CNTN6: variants seen among roughly 807,000 people sequenced by gnomAD.
CNTN6 encodes the protein contactin 6, also known as contactin-6.
In CNTN6, 137 loss-of-function variants were observed where a neutral mutation model predicts 122.8. The observed-to-expected ratio is 1.12, with a 90% CI of 0.97 to 1.29. CNTN6 has a LOEUF of 1.29. Ranked by LOEUF, CNTN6 falls within the 50% of genes most tolerant of loss-of-function variation. The pLI is 0.00. For synonymous variants in CNTN6, 570 were observed against 426.0 expected (o/e 1.34, Z -4.16); for missense variants, 1,634 against 1,223.4 (o/e 1.34, Z -5.01).
intron 17 of CNTN6, among the ~76,000 whole-genome samples, chr3:1,381,347 G>A (rs1393326219): frequency 2.0e-5 from 3 of 152,140 alleles, no homozygotes; most frequent in Non-Finnish European, 2.9e-5. Flanking sequence ...CCAGATGTCC[G>A]GAGCAGCACT....
chr3:1,226,993 G>T (rs1380961395), intron 3 of CNTN6, among the ~76,000 whole-genome samples: 4 of 152,146 alleles, frequency 2.6e-5, no homozygotes, highest in Admixed American at 2.6e-4. Context: ...GATTTTGATG[G>T]AGTTGGGAGT....
At chr3:1,233,253 A>AG (rs1008212574) in intron 4 of CNTN6, among the ~76,000 whole-genome samples, 9 of 152,304 alleles carry the variant, frequency 5.9e-5, no homozygotes, top group African/African-American at 1.9e-4. Flanking sequence ...GGTTACTATG[A>AG]GGACCAAATA....
At chr3:1,166,128 T>A (rs1032764490) in intron 2 of CNTN6, among the ~76,000 whole-genome samples, 1 of 152,240 alleles carries the variant, frequency 6.6e-6, no homozygotes. Flanking sequence ...GGCAGCTCAT[T>A]GGCATCAACT....
At chr3:1,384,713 C>CATATAT (rs1200196203) in intron 19 of CNTN6, among the ~76,000 whole-genome samples, 2,076 of 131,886 alleles carry the variant, frequency 0.016, 26 homozygotes, top group Middle Eastern at 0.028. Context: ...TATACATATA[C>CATATAT]ATACTATATA....
intron 2 of CNTN6, among the ~76,000 whole-genome samples, chr3:1,193,890 G>T (rs892479919): frequency 6.6e-5 from 10 of 152,082 alleles, no homozygotes; most frequent in African/African-American, 2.4e-4. Context: ...TTTAAGAATT[G>T]TATATACCAT....
chr3:1,309,291 A>C (rs894361226), intron 7 of CNTN6, among the ~76,000 whole-genome samples: 1 of 152,088 alleles, frequency 6.6e-6, no homozygotes, highest in Non-Finnish European at 1.5e-5. Flanking sequence ...TTGATGGTCC[A>C]TTTTGCATTA....
intron 20 of CNTN6, among the ~76,000 whole-genome samples, chr3:1,387,486 G>A (rs1693208373): frequency 2.0e-5 from 3 of 152,162 alleles, no homozygotes; most frequent in African/African-American, 7.2e-5. Context: ...CAATCAATCA[G>A]CAGTTTTCAG....
chr3:1,223,409 T>C (rs1222697015), intron 3 of CNTN6, among the ~76,000 whole-genome samples: 4 of 152,178 alleles, frequency 2.6e-5, no homozygotes, highest in African/African-American at 4.8e-5. Context: ...AAATAAGCAA[T>C]ATTAAAAGCA....
At position 1,382,963 on chromosome 3, in the gene CNTN6, A is replaced by G; in HGVS notation, c.2188A>G (p.Asn730Asp). 1 of 1,613,896 alleles carries G rather than the reference A, an allele frequency of 6.2e-7. No individual in the cohort carries two copies. Residue 730 changes from asparagine (N) to aspartate (D), a missense_variant, in exon 18 of 23, where the codon AAT (asparagine) becomes GAT (aspartate). Asn to Asp is a conservative substitution (Grantham distance 23, BLOSUM62 1). Coordinates refer to ENST00000446702, the MANE Select transcript of CNTN6 (RefSeq NM_001289080.2). The stretch of plus-strand genomic sequence containing the variant: ...CAAGTCAATTCCAGAAGAACTGCAG[A>G]ATGGGGAGGGATTTGGATATATCAT... ...TWESIPEELQ[N>D]GEGFGYIIMF...
At position 1,352,336 on chromosome 3, in the gene CNTN6, G is replaced by A; in HGVS notation, c.1377G>A (p.Leu459=). 3 of 1,525,634 alleles carry A rather than the reference G, an allele frequency of 2.0e-6. No individual in the cohort carries two copies. The highest frequency in any genetic ancestry group is 2.7e-6 in the Non-Finnish European group (3 of 1,128,358). 94.5% of individuals were successfully genotyped at this position (1,525,634 alleles called of 1,614,324 possible). A position where few individuals can be genotyped will look rare whatever the true frequency, so the allele number is the denominator to read the frequency against. Residue 459 remains leucine (L), a synonymous_variant, in exon 12 of 23, where the codon TTG becomes TTA. Transcript: ENST00000446702. ...TLRQSKRIFL[L]EDGSLKIYNI... ...ATTTTCTTTTTAGAATATTTCTCTT[G>A]GAGGATGGCAGCCTCAAGATATATA...
chr3:1,400,630 T>C lies in CNTN6; in HGVS notation c.2705-803T>C, dbSNP rs766456442. Among the ~76,000 whole-genome samples the C allele has an allele frequency of 1.8e-4, 28 of 152,266 alleles. No homozygotes were observed. The East Asian group carries it at 4.2e-3, about 23-fold the overall frequency. On this transcript the variant is annotated intron_variant, in intron 20 of 22. Transcript: ENST00000446702. ...TTTTAAACGGCATGCATCTTTCACA[T>C]TGTCCAGACACAGTTGATTAAGCTA...
rs1029012321 is a variant in CNTN6, at chr3:1,403,319, T to C, written c.2988T>C (p.Ser996=). 1.3e-6 allele frequency: 2 copies of C among 1,595,400 alleles called. No homozygotes were observed. Among genetic ancestry groups the C allele is most frequent in the Non-Finnish European group, 1.7e-6 (2 of 1,167,688 alleles). The part of the protein sequence containing the change: ...SEEIRIPKMS[S]LSSRGIQFLE... The stretch of plus-strand genomic sequence containing the variant: ...TTGTCTTATTTTTATATTTTGCAGG[T>C]TTGAGTTCCAGAGGAATTCAATTCT... Residue 996 remains serine (S), a splice_region_variant and synonymous_variant, in exon 23 of 23, where the codon AGT becomes AGC. Coordinates refer to ENST00000446702, the MANE Select transcript of CNTN6 (RefSeq NM_001289080.2).
chr3:1,286,599 A>G (rs1260731749), intron 5 of CNTN6, among the ~76,000 whole-genome samples: 1 of 152,204 alleles, frequency 6.6e-6, no homozygotes, highest in African/African-American at 2.4e-5. Flanking sequence ...GTGACAGTCT[A>G]TCATTGATAG....
At chr3:1,359,570 T>C (rs1356847607) in intron 12 of CNTN6, among the ~76,000 whole-genome samples, 1 of 152,124 alleles carries the variant, frequency 6.6e-6, no homozygotes, top group Non-Finnish European at 1.5e-5. Flanking sequence ...GATTACTTTA[T>C]GCATTGAAAT....
chr3:1,369,677 A>G (rs948809713), intron 12 of CNTN6, among the ~76,000 whole-genome samples: 13 of 152,166 alleles, frequency 8.5e-5, no homozygotes, highest in Admixed American at 7.9e-4. Context: ...CTTTAATTGC[A>G]TGATCTAAAA....
chr3:1,246,363 T>A (rs1026527043), intron 4 of CNTN6, among the ~76,000 whole-genome samples: 13 of 152,302 alleles, frequency 8.5e-5, no homozygotes, highest in African/African-American at 3.1e-4. Flanking sequence ...TTTTATATTG[T>A]TGTAGGTAGC....
intron 1 of CNTN6, among the ~76,000 whole-genome samples, chr3:1,108,094 TA>T (rs1366221858): frequency 6.6e-6 from 1 of 152,010 alleles, no homozygotes; most frequent in East Asian, 1.9e-4. Context: ...TTATTTCTAA[TA>T]AAAAAATTTA....
chr3:1,377,129 A>G, intron 17 of CNTN6, 54 bp downstream of exon 17: 2 of 1,224,000 alleles, frequency 1.6e-6, no homozygotes, highest in Non-Finnish European at 2.4e-6. Flanking sequence ...AACTGGCCAG[A>G]AAGAAACTGA....
chr3:1,353,174 G>C (rs1705935694), intron 12 of CNTN6, among the ~76,000 whole-genome samples: 1 of 151,610 alleles, frequency 6.6e-6, no homozygotes, highest in Non-Finnish European at 1.5e-5. Flanking sequence ...TTTACTGGAA[G>C]CTGTATCACT....
Sources: allele counts gnomAD v4.1 joint callset (sites outside exome capture counted in the v4.1 genomes callset), GRCh38; gene constraint gnomAD v4.1.1; transcripts MANE v1.5; gene names NCBI Gene and HGNC (gene_info 2026-07-23, HGNC 2026-07-21).